SDAD1: variants seen among roughly 807,000 people sequenced by gnomAD.
SDAD1 encodes the protein SDA1 domain containing 1, also known as protein SDA1 homolog.
In SDAD1, 79 loss-of-function variants were observed where a neutral mutation model predicts 100.3. That is an observed-to-expected ratio of 0.79 (90% CI 0.66 to 0.95). SDAD1 has a LOEUF of 0.95. Ranked by LOEUF, SDAD1 falls within the 40% of genes least tolerant of loss-of-function variation. The probability of loss-of-function intolerance (pLI) is 0.00; values close to 1 mark genes in which losing one functional copy is unlikely to be tolerated. For synonymous variants in SDAD1, 267 were observed against 271.4 expected, an observed-to-expected ratio of 0.98 and a Z score of 0.16; for missense variants, 790 against 810.9, an observed-to-expected ratio of 0.97 and a Z score of 0.31.
At chr4:75,971,331 T>C in intron 9 of SDAD1, 26 bp downstream of exon 9, 7 of 1,495,256 alleles carry the variant, frequency 4.7e-6, no homozygotes, top group Non-Finnish European at 6.5e-6. Flanking sequence ...ATCACTCCTA[T>C]CTCATTTTCC....
At chr4:75,964,289 G>T in intron 13 of SDAD1, 78 bp from the exon 14 acceptor site, 1 of 976,428 alleles carries the variant, frequency 1.0e-6, no homozygotes, top group Non-Finnish European at 1.6e-6. Flanking sequence ...AAGGACAATA[G>T]ATTATTCATA....
At chr4:75,976,754 T>A (rs981423391) in intron 4 of SDAD1, among the ~76,000 whole-genome samples, 3 of 150,938 alleles carry the variant, frequency 2.0e-5, no homozygotes, top group Admixed American at 6.6e-5. Context: ...AAAAAAAAAA[T>A]GCTCCAATTT....
intron 17 of SDAD1, among the ~76,000 whole-genome samples, chr4:75,958,271 A>C (rs1016735886): frequency 2.0e-5 from 3 of 152,192 alleles, no homozygotes; most frequent in African/African-American, 7.2e-5. Flanking sequence ...GAAATCATGA[A>C]AATCATGTCT....
intron 14 of SDAD1, among the ~76,000 whole-genome samples, chr4:75,963,323 C>T (rs186653425): frequency 7.9e-5 from 12 of 151,702 alleles, no homozygotes; most frequent in East Asian, 5.8e-4. Context: ...AGTCAGGTAG[C>T]GTGACTCCAG....
At chr4:75,974,209 T>C (rs933102514) in intron 6 of SDAD1, 76 bp from the exon 7 acceptor site, 1 of 1,147,184 alleles carries the variant, frequency 8.7e-7, no homozygotes, top group Non-Finnish European at 1.3e-6. Flanking sequence ...TGGCACAAAA[T>C]AAATGATATA....
Position 75,970,297 on chromosome 4 carries a change from A to C in SDAD1, c.883+12T>G, listed in dbSNP as rs1729791500. 5 of 1,610,380 alleles carry C rather than the reference A, an allele frequency of 3.1e-6. No individual in the cohort carries two copies. The highest frequency in any genetic ancestry group is 4.2e-6 in the Non-Finnish European group (5 of 1,176,866). ...AAGGCCAACAAGGAACTCGGACGTC[A>C]TAATAACGTACCTTGGGGATCATGA... is the stretch of plus-strand genomic sequence containing the variant. On this transcript the variant is annotated intron_variant, in intron 10 of 21. Transcript: ENST00000356260.
intron 1 of SDAD1, among the ~76,000 whole-genome samples, chr4:75,983,737 T>C (rs1021804851): frequency 6.6e-6 from 1 of 152,220 alleles, no homozygotes; most frequent in Admixed American, 6.5e-5. Context: ...ATTCTGTAGG[T>C]TGCTTATTCA....
chr4:75,971,728 T>C (rs1042646845), intron 8 of SDAD1, among the ~76,000 whole-genome samples: 4 of 151,950 alleles, frequency 2.6e-5, no homozygotes, highest in Non-Finnish European at 4.4e-5. Flanking sequence ...AATACTTAGC[T>C]GGGCTTGGTG....
intron 1 of SDAD1, among the ~76,000 whole-genome samples, chr4:75,984,290 T>G (rs1444922125): frequency 6.6e-6 from 1 of 152,118 alleles, no homozygotes; most frequent in East Asian, 1.9e-4. Context: ...GCCTCCTAAG[T>G]AGCTGGGACC....
chr4:75,955,503 T>C (rs990120193), intron 21 of SDAD1, among the ~76,000 whole-genome samples: 1 of 152,164 alleles, frequency 6.6e-6, no homozygotes, highest in Non-Finnish European at 1.5e-5. Context: ...CAGTGAGCCA[T>C]GAGGCTGCAG....
At chr4:75,964,297 A>G in intron 13 of SDAD1, 86 bp from the exon 14 acceptor site, 1 of 931,378 alleles carries the variant, frequency 1.1e-6, no homozygotes, top group Admixed American at 2.3e-5. Context: ...TAGATTATTC[A>G]TAGTGGAAAA....
At chr4:75,976,030 C>CCTG in intron 4 of SDAD1, 35 bp from the exon 5 acceptor site, 1 of 1,338,836 alleles carries the variant, frequency 7.5e-7, no homozygotes, top group South Asian at 1.2e-5. Flanking sequence ...TACATTAAAC[C>CCTG]TAACCAACAT....
chr4:75,979,077 A>G (rs930102877), intron 3 of SDAD1, among the ~76,000 whole-genome samples: 1 of 151,518 alleles, frequency 6.6e-6, no homozygotes, highest in Non-Finnish European at 1.5e-5. Flanking sequence ...CTGAACATAA[A>G]GTAATTAAAA....
chr4:75,959,320 T>C (rs944766009), intron 17 of SDAD1, among the ~76,000 whole-genome samples: 1 of 150,722 alleles, frequency 6.6e-6, no homozygotes, highest in African/African-American at 2.4e-5. Context: ...TTTGATCAAA[T>C]AGGCTGGGTG....
chr4:75,951,623 A>G (rs1578107062), intron 21 of SDAD1, among the ~76,000 whole-genome samples: 1 of 152,228 alleles, frequency 6.6e-6, no homozygotes, highest in African/African-American at 2.4e-5. Flanking sequence ...GGGTTCTTCA[A>G]GATCCCCAGG....
chr4:75,957,767 A>T (rs1436420945), intron 18 of SDAD1, 59 bp from the exon 19 acceptor site: 4 of 1,612,170 alleles, frequency 2.5e-6, no homozygotes, highest in Non-Finnish European at 3.4e-6. Context: ...CAGCCATTTA[A>T]ATTGTAGCCT....
intron 21 of SDAD1, among the ~76,000 whole-genome samples, chr4:75,955,578 C>A (rs1728844844): frequency 6.6e-6 from 1 of 152,276 alleles, no homozygotes; most frequent in Admixed American, 6.5e-5. Flanking sequence ...CTCAGAAAAC[C>A]AGGCATAAAA....
intron 3 of SDAD1, among the ~76,000 whole-genome samples, chr4:75,980,423 A>G (rs1730431057): frequency 1.3e-5 from 2 of 152,270 alleles, no homozygotes; most frequent in Admixed American, 6.5e-5. Context: ...GTTGTGCTAT[A>G]GGATATTAGT....
chr4:75,974,171 A>T, intron 6 of SDAD1, 38 bp from the exon 7 acceptor site: 5 of 1,527,054 alleles, frequency 3.3e-6, no homozygotes, highest in Non-Finnish European at 4.5e-6. Flanking sequence ...GTAAATTTTC[A>T]TTCTACTGTA....
Sources: allele counts gnomAD v4.1 joint callset (sites outside exome capture counted in the v4.1 genomes callset), GRCh38; gene constraint gnomAD v4.1.1; transcripts MANE v1.5; gene names NCBI Gene and HGNC (gene_info 2026-07-23, HGNC 2026-07-21).